DOCK3: variants seen among roughly 807,000 people sequenced by gnomAD.
DOCK3 encodes dedicator of cytokinesis 3.
Under a neutral mutation model 265.6 loss-of-function variants are expected in DOCK3, and 60 were observed. The observed-to-expected ratio is 0.23, with a 90% confidence interval of 0.18 to 0.28. The LOEUF (loss-of-function observed/expected upper bound fraction) is 0.28. Ranked by LOEUF, DOCK3 falls within the 10% of genes least tolerant of loss-of-function variation. The probability of loss-of-function intolerance (pLI) is 1.00; values close to 1 mark genes in which losing one functional copy is unlikely to be tolerated. For missense variants in DOCK3, 1,981 were observed against 2,594.3 expected (o/e 0.76, Z 5.14); for synonymous variants, 881 against 938.0 (o/e 0.94, Z 1.11).
intron 3 of DOCK3, among the ~76,000 whole-genome samples, chr3:50,846,570 A>G (rs765005882): frequency 6.6e-6 from 1 of 152,198 alleles, no homozygotes; most frequent in East Asian, 1.9e-4. Flanking sequence ...GAATAGTTTC[A>G]GTAAGATTGG....
intron 5 of DOCK3, among the ~76,000 whole-genome samples, chr3:50,979,551 T>A (rs112593300): frequency 6.6e-4 from 101 of 152,320 alleles, no homozygotes; most frequent in African/African-American, 2.4e-3. Context: ...GTGTCACACT[T>A]GAACTCCCCT....
At chr3:50,813,232 T>C (rs1040675105) in intron 2 of DOCK3, among the ~76,000 whole-genome samples, 1 of 152,100 alleles carries the variant, frequency 6.6e-6, no homozygotes, top group Admixed American at 6.6e-5. Context: ...AAATTGAAAA[T>C]ATCATTAAGT....
intron 6 of DOCK3, among the ~76,000 whole-genome samples, chr3:51,073,134 C>T (rs955491153): frequency 6.6e-6 from 1 of 152,018 alleles, no homozygotes; most frequent in Non-Finnish European, 1.5e-5. Context: ...GAAATGTTGT[C>T]TCTTCATTTT....
At chr3:51,324,031 C>T (rs375175369) in intron 32 of DOCK3, among the ~76,000 whole-genome samples, 140 of 152,304 alleles carry the variant, frequency 9.2e-4, no homozygotes, top group East Asian at 4.0e-3. Context: ...TAGATGCCCT[C>T]TCTCACCACT....
chr3:50,746,309 G>A (rs1450165967), intron 1 of DOCK3, among the ~76,000 whole-genome samples: 2 of 151,992 alleles, frequency 1.3e-5, no homozygotes, highest in African/African-American at 4.8e-5. Flanking sequence ...GTTTCACCAT[G>A]TTGACCAGGC....
intron 3 of DOCK3, among the ~76,000 whole-genome samples, chr3:50,848,379 G>T (rs2046193885): frequency 6.6e-6 from 1 of 152,180 alleles, no homozygotes; most frequent in Non-Finnish European, 1.5e-5. Context: ...CTAATGTGTA[G>T]TTGCTTTATA....
intron 3 of DOCK3, among the ~76,000 whole-genome samples, chr3:50,842,642 C>T (rs551474511): frequency 2.0e-5 from 3 of 152,078 alleles, no homozygotes; most frequent in East Asian, 1.9e-4. Flanking sequence ...ATGCCAGCAA[C>T]CCTCTGTCCC....
chr3:50,771,973 C>G (rs1353305137), intron 1 of DOCK3, among the ~76,000 whole-genome samples: 1 of 152,184 alleles, frequency 6.6e-6, no homozygotes. Context: ...ATCAATATAT[C>G]GAAGAGATAT....
intron 5 of DOCK3, among the ~76,000 whole-genome samples, chr3:50,958,634 CTG>C (rs1300264235): frequency 6.6e-6 from 1 of 152,148 alleles, no homozygotes; most frequent in African/African-American, 2.4e-5. Flanking sequence ...TCAAAGGACA[CTG>C]ATAATTTATT....
rs2081038164 is a variant in DOCK3 at position 51,280,217 on chromosome 3, A to G, written c.2922+13A>G. On this transcript the variant is annotated intron_variant, in intron 27 of 52. Transcript: ENST00000266037. ...AGATGAACTCAAGGTAGGCAGTAGA[A>G]CACCTTTCCTCTGGGAGAGGAAGTG... 1 of 1,610,286 alleles carries G rather than the reference A, an allele frequency of 6.2e-7. No individual in the cohort carries two copies. Among genetic ancestry groups the G allele is most frequent in the African/African-American group, 1.3e-5 (1 of 74,856 alleles).
intron 9 of DOCK3, among the ~76,000 whole-genome samples, chr3:51,109,922 A>C (rs974372485): frequency 6.6e-6 from 1 of 151,890 alleles, no homozygotes; most frequent in African/African-American, 2.4e-5. Flanking sequence ...AACAGAGTGA[A>C]CTCTGTCTCA....
chr3:50,860,264 C>T (rs1450888351), intron 3 of DOCK3, among the ~76,000 whole-genome samples: 1 of 152,116 alleles, frequency 6.6e-6, no homozygotes, highest in African/African-American at 2.4e-5. Context: ...TTCCTCTTTT[C>T]TGAGGATAGG....
rs2082991045 is a variant in DOCK3 at position 51,310,271 on chromosome 3, A to G, written c.2962A>G (p.Met988Val). ...GATTTTTTGCGTGTTCCGGAACCTG[A>G]TGAAGATGAGTGTCTTCCCTCGGGA... ...LKIFCVFRNLMKMSVFPRDWM... is the reference protein window; with the variant it reads ...LKIFCVFRNLVKMSVFPRDWM... The change falls in exon 28 of 53, where the codon ATG becomes GTG. Residue 988 changes from methionine to valine, a missense_variant. By Grantham distance (21) the Met-to-Val change is conservative. This residue lies in a region of DOCK3 where 1,357 missense variants were observed against 1,866.8 expected (regional missense o/e 0.73). Transcript: ENST00000266037. The G allele has an allele frequency of 6.2e-7, 1 of 1,606,670 alleles. No individual in the cohort carries two copies. The highest frequency in any genetic ancestry group is 8.5e-7 in the Non-Finnish European group (1 of 1,176,616).
chr3:51,253,094 G>A (rs2079348862), intron 22 of DOCK3, among the ~76,000 whole-genome samples: 1 of 152,170 alleles, frequency 6.6e-6, no homozygotes, highest in Non-Finnish European at 1.5e-5. Flanking sequence ...TTTTGTCAAA[G>A]GACTTTTCTG....
intron 1 of DOCK3, among the ~76,000 whole-genome samples, chr3:50,736,890 G>T (rs1423799293): frequency 1.3e-4 from 20 of 151,830 alleles, no homozygotes; most frequent in African/African-American, 4.8e-4. Context: ...TAGAGACGGG[G>T]TTTCACCGTG....
rs114015254 is a variant in DOCK3, at chr3:50,998,473, A to G, written c.315+64396A>G. On this transcript the variant is annotated intron_variant, in intron 5 of 52. Coordinates refer to ENST00000266037, the MANE Select transcript of DOCK3 (RefSeq NM_004947.5). ...GCATCAGTGGTTTACGAATGAGTTG[A>G]TACAATTTCTGGAAAGGTGGGAGGG... Among the ~76,000 whole-genome samples, 156 of 152,266 alleles carry G rather than the reference A, an allele frequency of 1.0e-3. 1 individual carries two copies. The highest frequency in any genetic ancestry group is 3.2e-3 in the African/African-American group (132 of 41,550).
chr3:50,896,825 C>A (rs924173766), intron 4 of DOCK3, among the ~76,000 whole-genome samples: 1 of 152,000 alleles, frequency 6.6e-6, no homozygotes, highest in Non-Finnish European at 1.5e-5. Context: ...TTTCTGAGGC[C>A]TCTGTTCTGT....
intron 1 of DOCK3, among the ~76,000 whole-genome samples, chr3:50,728,199 C>T (rs965510453): frequency 6.6e-6 from 1 of 151,918 alleles, no homozygotes; most frequent in Non-Finnish European, 1.5e-5. Context: ...TAAAAAATCA[C>T]AGAGGAAATT....
intron 2 of DOCK3, among the ~76,000 whole-genome samples, chr3:50,803,916 G>A (rs964295498): frequency 5.3e-5 from 8 of 151,716 alleles, no homozygotes; most frequent in African/African-American, 1.2e-4. Context: ...GGCGGCTGCC[G>A]GGTGGAGACG....
Sources: allele counts gnomAD v4.1 joint callset (sites outside exome capture counted in the v4.1 genomes callset), GRCh38; gene constraint gnomAD v4.1.1; regional missense constraint gnomAD v4.1.1; transcripts MANE v1.5; gene names NCBI Gene and HGNC (gene_info 2026-07-23, HGNC 2026-07-21).